PPHLN1: variants seen among roughly 807,000 people sequenced by gnomAD.
The protein encoded by PPHLN1 is periphilin-1.
Under a neutral mutation model 51.3 loss-of-function variants are expected in PPHLN1, and 29 were observed. The ratio of observed to expected loss-of-function variants is 0.57; its 90% CI spans 0.42 to 0.77. The LOEUF is 0.77. Ranked by LOEUF, PPHLN1 falls within the 30% of genes least tolerant of loss-of-function variation. The probability of loss-of-function intolerance (pLI) is 0.00; values close to 1 mark genes in which losing one functional copy is unlikely to be tolerated. For missense variants in PPHLN1, 436 were observed against 438.4 expected, an observed-to-expected ratio of 0.99 and a Z score of 0.05; for synonymous variants, 147 against 147.8, an observed-to-expected ratio of 0.99 and a Z score of 0.04.
intron 9 of PPHLN1, among the ~76,000 whole-genome samples, chr12:42,420,354 G>A (rs562605891): frequency 6.6e-6 from 1 of 151,652 alleles, no homozygotes; most frequent in Admixed American, 6.6e-5. Context: ...ATATAAATAG[G>A]TTTTTAGACA....
intron 9 of PPHLN1, among the ~76,000 whole-genome samples, chr12:42,423,118 G>GA (rs762227989): frequency 6.6e-5 from 10 of 152,116 alleles, no homozygotes; most frequent in Non-Finnish European, 1.5e-4. Flanking sequence ...TATCATTTGA[G>GA]AAGTCAGTAG....
At chr12:42,415,959 C>A (rs548206724) in intron 9 of PPHLN1, among the ~76,000 whole-genome samples, 12 of 152,172 alleles carry the variant, frequency 7.9e-5, no homozygotes, top group Middle Eastern at 3.4e-3. Context: ...CCAGTTAGAA[C>A]CAAAGAAGGC....
At chr12:42,410,573 T>C (rs1052654965) in intron 9 of PPHLN1, among the ~76,000 whole-genome samples, 1 of 152,238 alleles carries the variant, frequency 6.6e-6, no homozygotes, top group Non-Finnish European at 1.5e-5. Flanking sequence ...CAGTTATGAA[T>C]GGTACTGGAA....
At chr12:42,350,131 G>T (rs1221296993) in intron 2 of PPHLN1, 1 of 146,990 alleles carries the variant, frequency 6.8e-6, no homozygotes, top group Non-Finnish European at 1.5e-5. Context: ...CCTCCCAGAC[G>T]GGGCGGCTGC....
chr12:42,343,211 C>G (rs2071751921), intron 2 of PPHLN1, among the ~76,000 whole-genome samples: 1 of 143,946 alleles, frequency 6.9e-6, no homozygotes, highest in Non-Finnish European at 1.6e-5. Flanking sequence ...TCTTTCCATT[C>G]TTATTTCATG....
At chr12:42,368,862 G>A (rs1010035121) in intron 4 of PPHLN1, among the ~76,000 whole-genome samples, 5 of 152,132 alleles carry the variant, frequency 3.3e-5, no homozygotes, top group Admixed American at 3.3e-4. Context: ...GGTAAAAGAT[G>A]GGGTGAAAAA....
intron 8 of PPHLN1, among the ~76,000 whole-genome samples, chr12:42,397,167 TC>T (rs2078313441): frequency 6.6e-6 from 1 of 152,218 alleles, no homozygotes; most frequent in Non-Finnish European, 1.5e-5. Context: ...GCTTATTCTG[TC>T]CCTAGTCTAG....
intron 9 of PPHLN1, among the ~76,000 whole-genome samples, chr12:42,419,670 G>C (rs979421413): frequency 1.3e-5 from 2 of 152,180 alleles, no homozygotes; most frequent in African/African-American, 4.8e-5. Flanking sequence ...GAAGTTACTT[G>C]TGTTGGTCAT....
At chr12:42,349,597 G>T (rs1280037820) in intron 2 of PPHLN1, among the ~76,000 whole-genome samples, 53 of 152,244 alleles carry the variant, frequency 3.5e-4, no homozygotes, top group Non-Finnish European at 1.9e-4. Flanking sequence ...AGATTAGGGA[G>T]TGGTGATGAC....
At chr12:42,446,689 C>G (rs1049030046), downstream of PPHLN1, 14 of 1,556,434 alleles carry the variant, frequency 9.0e-6, no homozygotes, top group Non-Finnish European at 1.2e-5. Context: ...ATGCAAAAAA[C>G]AGAAAAGGGG....
At chr12:42,392,984 AC>A (rs1231910374) in intron 7 of PPHLN1, among the ~76,000 whole-genome samples, 3 of 152,200 alleles carry the variant, frequency 2.0e-5, no homozygotes, top group Non-Finnish European at 2.9e-5. Context: ...AAGTCATTAA[AC>A]TGCGATTCAA....
At chr12:42,425,877 G>C (rs192460597) in intron 9 of PPHLN1, among the ~76,000 whole-genome samples, 1 of 152,308 alleles carries the variant, frequency 6.6e-6, no homozygotes, top group African/African-American at 2.4e-5. Flanking sequence ...GGATAGTAGA[G>C]TGAATGTGCC....
intron 8 of PPHLN1, among the ~76,000 whole-genome samples, chr12:42,398,131 G>T (rs1328239748): frequency 6.6e-6 from 1 of 152,150 alleles, no homozygotes; most frequent in African/African-American, 2.4e-5. Flanking sequence ...TCCAGAGACA[G>T]TCTATGCATA....
chr12:42,425,246 A>ATTTTTTTTTTTTTTTT (rs34484756), intron 9 of PPHLN1, among the ~76,000 whole-genome samples: 8 of 124,830 alleles, frequency 6.4e-5, no homozygotes, highest in Middle Eastern at 3.8e-3. Flanking sequence ...TGCCTGGCTA[A>ATTTTTTTTTTTTTTTT]TTTTTTTTTT....
intron 9 of PPHLN1, among the ~76,000 whole-genome samples, chr12:42,437,752 A>ATATATCAT: frequency 6.6e-6 from 1 of 152,182 alleles, no homozygotes; most frequent in Non-Finnish European, 1.5e-5. Context: ...ATTTTGACAA[A>ATATATCAT]TGTATAATAT....
At chr12:42,424,878 A>T (rs1592928942) in intron 9 of PPHLN1, among the ~76,000 whole-genome samples, 1 of 118,266 alleles carries the variant, frequency 8.5e-6, no homozygotes, top group Admixed American at 9.7e-5. Flanking sequence ...TATTTACAAA[A>T]TTGTTACAGA....
At chr12:42,365,115 A>G (rs1446220428) in intron 4 of PPHLN1, among the ~76,000 whole-genome samples, 1 of 152,182 alleles carries the variant, frequency 6.6e-6, no homozygotes. Context: ...GATAGGATAG[A>G]AGAAGAGGTG....
chr12:42,378,539 C>T (rs1053776675), intron 5 of PPHLN1, among the ~76,000 whole-genome samples: 9 of 151,198 alleles, frequency 6.0e-5, no homozygotes, highest in Non-Finnish European at 8.8e-5. Flanking sequence ...TTGAAAAAGA[C>T]GTAAAATATT....
At chr12:42,373,343 C>T (rs2075972828) in intron 4 of PPHLN1, among the ~76,000 whole-genome samples, 1 of 152,172 alleles carries the variant, frequency 6.6e-6, no homozygotes. Context: ...GTGTTCTATA[C>T]CAGTTCATTT....
Sources: gnomAD v4.1 joint callset for allele counts (sites outside exome capture counted in the v4.1 genomes callset) on GRCh38, gnomAD v4.1.1 for gene constraint, MANE v1.5 for transcripts, NCBI Gene and HGNC (gene_info 2026-07-23, HGNC 2026-07-21) for gene names.